The following GRID1 variants were observed in gnomAD, a reference collection of about 807,000 sequenced individuals.
GRID1 encodes the protein glutamate receptor ionotropic, delta-1.
GRID1 carries 28 observed loss-of-function variants against 98.0 expected under a neutral mutation model. The observed-to-expected ratio is 0.29, with a 90% CI of 0.21 to 0.39. GRID1 has a LOEUF of 0.39. Among genes scored for constraint, GRID1 ranks in the 10% least tolerant of loss-of-function variants. GRID1 has a pLI of 1.00. For missense variants in GRID1, 1,111 were observed against 1,340.5 expected (o/e 0.83, Z 2.67); for synonymous variants, 553 against 538.5 (o/e 1.03, Z -0.37).
chr10:85,881,219 A>G (rs1841008465), intron 5 of GRID1, among the ~76,000 whole-genome samples: 1 of 152,218 alleles, frequency 6.6e-6, no homozygotes, highest in African/African-American at 2.4e-5. Context: ...TATAGATTCA[A>G]TGCCATCCCC....
intron 12 of GRID1, among the ~76,000 whole-genome samples, chr10:85,716,247 T>C (rs1258754766): frequency 1.3e-5 from 2 of 152,120 alleles, no homozygotes. Flanking sequence ...TTGGACATTA[T>C]TGTCCCTTTG....
intron 2 of GRID1, among the ~76,000 whole-genome samples, chr10:86,294,925 G>A (rs1300619257): frequency 1.3e-5 from 2 of 152,222 alleles, no homozygotes; most frequent in Non-Finnish European, 2.9e-5. Context: ...AGAGCCAGGA[G>A]GAGGGAGGCT....
chr10:85,877,595 G>A (rs1840915277), intron 5 of GRID1, among the ~76,000 whole-genome samples: 2 of 152,064 alleles, frequency 1.3e-5, no homozygotes, highest in Non-Finnish European at 2.9e-5. Context: ...AAAAGAAAAG[G>A]ACATCCACAC....
chr10:85,945,800 C>A (rs556089206), intron 4 of GRID1, among the ~76,000 whole-genome samples: 1 of 152,020 alleles, frequency 6.6e-6, no homozygotes, highest in Non-Finnish European at 1.5e-5. Context: ...ATTCTGTTTC[C>A]AAGGTTTGTT....
intron 4 of GRID1, among the ~76,000 whole-genome samples, chr10:86,124,009 C>T (rs1307123637): frequency 1.3e-5 from 2 of 152,150 alleles, no homozygotes; most frequent in African/African-American, 2.4e-5. Flanking sequence ...ATCCAGGCCT[C>T]GTGGCCCAGG....
chr10:86,062,523 C>T (rs2131914342), intron 4 of GRID1, among the ~76,000 whole-genome samples: 1 of 152,242 alleles, frequency 6.6e-6, no homozygotes, highest in Admixed American at 6.5e-5. Context: ...AGACTTGTAC[C>T]AGAACCCTCA....
chr10:86,058,167 GC>G (rs1051072618), intron 4 of GRID1, among the ~76,000 whole-genome samples: 2 of 152,076 alleles, frequency 1.3e-5, no homozygotes, highest in African/African-American at 4.8e-5. Flanking sequence ...AGACCCCTGG[GC>G]CCCCCTTCCT....
chr10:86,029,124 G>T (rs544624635), intron 4 of GRID1, among the ~76,000 whole-genome samples: 56 of 152,286 alleles, frequency 3.7e-4, no homozygotes, highest in Middle Eastern at 6.8e-3. Flanking sequence ...CCTCCTTCAA[G>T]CTTCTAATTG....
chr10:85,618,696 C>T (rs1347969473), intron 14 of GRID1, among the ~76,000 whole-genome samples: 5 of 152,128 alleles, frequency 3.3e-5, no homozygotes, highest in African/African-American at 7.2e-5. Flanking sequence ...GGGCTGAGGT[C>T]CAGGTACTCA....
At chr10:85,912,521 G>A (rs982660859) in intron 5 of GRID1, among the ~76,000 whole-genome samples, 3 of 152,086 alleles carry the variant, frequency 2.0e-5, no homozygotes, top group African/African-American at 7.3e-5. Context: ...CTGAATCCAG[G>A]AAAATGCATA....
intron 3 of GRID1, among the ~76,000 whole-genome samples, chr10:86,200,054 C>T (rs999383): frequency 0.42 from 62,551 of 150,332 alleles, 14,001 homozygotes; most frequent in East Asian, 0.58. Context: ...GCCATATGAT[C>T]TTTCCTCCTC....
intron 4 of GRID1, among the ~76,000 whole-genome samples, chr10:86,065,588 T>C (rs1414030233): frequency 2.6e-5 from 4 of 152,258 alleles, no homozygotes; most frequent in Non-Finnish European, 5.9e-5. Context: ...GCAGGAGCTA[T>C]TTCTGATTCC....
chr10:86,048,986 A>G (rs1433639177), intron 4 of GRID1, among the ~76,000 whole-genome samples: 1 of 152,232 alleles, frequency 6.6e-6, no homozygotes, highest in Non-Finnish European at 1.5e-5. Flanking sequence ...CTATGCATCA[A>G]GCCTTGTGCC....
At chr10:85,634,963 T>C (rs1448936804) in intron 13 of GRID1, among the ~76,000 whole-genome samples, 2 of 114,994 alleles carry the variant, frequency 1.7e-5, no homozygotes, top group African/African-American at 6.9e-5. Context: ...GTATCAGACC[T>C]GGGTACAAAG....
intron 5 of GRID1, among the ~76,000 whole-genome samples, chr10:85,910,010 G>A (rs1418478243): frequency 6.6e-6 from 1 of 152,196 alleles, no homozygotes; most frequent in Non-Finnish European, 1.5e-5. Flanking sequence ...TCTAAGGTCT[G>A]ATAAATGGCA....
chr10:85,963,188 C>A (rs1842292674), intron 4 of GRID1, among the ~76,000 whole-genome samples: 1 of 152,002 alleles, frequency 6.6e-6, no homozygotes, highest in African/African-American at 2.4e-5. Flanking sequence ...TTCATGGGAA[C>A]AAGCTACATC....
At chr10:86,349,022 G>A (rs1451283300) in intron 2 of GRID1, among the ~76,000 whole-genome samples, 7 of 152,190 alleles carry the variant, frequency 4.6e-5, no homozygotes, top group Admixed American at 4.6e-4. Context: ...AGTGGCTGCT[G>A]GCTATGTCCT....
At chr10:85,817,594 A>T (rs1332128351) in intron 8 of GRID1, among the ~76,000 whole-genome samples, 3 of 151,946 alleles carry the variant, frequency 2.0e-5, no homozygotes, top group Admixed American at 6.6e-5. Context: ...AGTTGGCTAT[A>T]AAAAATAAAT....
chr10:85,874,576 T>A (rs1843309465), intron 5 of GRID1, among the ~76,000 whole-genome samples: 1 of 152,184 alleles, frequency 6.6e-6, no homozygotes, highest in Non-Finnish European at 1.5e-5. Flanking sequence ...GGGAATATAT[T>A]TTTTTATTCT....
Sources: gnomAD v4.1 joint callset for allele counts (sites outside exome capture counted in the v4.1 genomes callset) on GRCh38, gnomAD v4.1.1 for gene constraint, MANE v1.5 for transcripts, NCBI Gene and HGNC (gene_info 2026-07-23, HGNC 2026-07-21) for gene names.